The following ASIC2 variants were observed in gnomAD, a reference collection of about 807,000 sequenced individuals.
ASIC2 encodes the protein acid-sensing ion channel 2.
ASIC2 carries 25 observed loss-of-function variants against 57.3 expected under a neutral mutation model. The observed-to-expected ratio is 0.44, with a 90% CI of 0.32 to 0.61. The LOEUF is 0.61. Ranked by LOEUF, ASIC2 falls within the 20% of genes least tolerant of loss-of-function variation. ASIC2 has a pLI of 0.06. For missense variants in ASIC2, 641 were observed against 738.1 expected (o/e 0.87, Z 1.52); for synonymous variants, 319 against 307.5 (o/e 1.04, Z -0.39).
intron 1 of ASIC2, among the ~76,000 whole-genome samples, chr17:33,875,360 A>C (rs1914521841): frequency 6.6e-6 from 1 of 152,234 alleles, no homozygotes; most frequent in Non-Finnish European, 1.5e-5. Context: ...CCATCCCAGC[A>C]TCCTCTTGCT....
At chr17:34,151,032 G>C (rs143056551) in intron 1 of ASIC2, among the ~76,000 whole-genome samples, 1 of 151,526 alleles carries the variant, frequency 6.6e-6, no homozygotes, top group Non-Finnish European at 1.5e-5. Context: ...GAACCTGAGA[G>C]GTGGAGGTTG....
intron 1 of ASIC2, among the ~76,000 whole-genome samples, chr17:34,010,078 C>G (rs1461599120): frequency 1.3e-5 from 2 of 152,200 alleles, no homozygotes; most frequent in Non-Finnish European, 2.9e-5. Flanking sequence ...TGAGTTTGAG[C>G]ACCAGAGTAT....
intron 1 of ASIC2, among the ~76,000 whole-genome samples, chr17:34,068,468 G>A (rs1405750856): frequency 6.6e-6 from 1 of 152,168 alleles, no homozygotes; most frequent in Non-Finnish European, 1.5e-5. Flanking sequence ...TGCAGCAAAA[G>A]AATTGGCTTC....
At chr17:33,113,643 C>A (rs897436148) in intron 1 of ASIC2, among the ~76,000 whole-genome samples, 1 of 152,194 alleles carries the variant, frequency 6.6e-6, no homozygotes, top group African/African-American at 2.4e-5. Context: ...TAAATCTTTA[C>A]GGCTAGTTAG....
chr17:33,439,391 G>A (rs965164144), intron 1 of ASIC2, among the ~76,000 whole-genome samples: 4 of 152,184 alleles, frequency 2.6e-5, no homozygotes, highest in Non-Finnish European at 5.9e-5. Flanking sequence ...AGAAAGAAAA[G>A]ACTGTATGGA....
intron 1 of ASIC2, among the ~76,000 whole-genome samples, chr17:33,190,746 A>T (rs1906381351): frequency 6.6e-6 from 1 of 152,184 alleles, no homozygotes; most frequent in Non-Finnish European, 1.5e-5. Flanking sequence ...TCATTAAGGA[A>T]ATGCAAATTA....
chr17:33,695,636 G>C (rs963193233), intron 1 of ASIC2, among the ~76,000 whole-genome samples: 2 of 152,196 alleles, frequency 1.3e-5, no homozygotes. Context: ...CAATTAAGCA[G>C]ATGAAAAGTT....
intron 1 of ASIC2, among the ~76,000 whole-genome samples, chr17:34,099,533 A>G (rs1598025101): frequency 6.9e-6 from 1 of 143,940 alleles, no homozygotes; most frequent in Non-Finnish European, 1.5e-5. Context: ...AGAAAGAAAG[A>G]AAGGAAAGAA....
At chr17:34,007,778 C>G (rs1054395210) in intron 1 of ASIC2, among the ~76,000 whole-genome samples, 2 of 152,236 alleles carry the variant, frequency 1.3e-5, no homozygotes, top group African/African-American at 4.8e-5. Flanking sequence ...CTCCCAATCC[C>G]TTTGCAGGGT....
At chr17:33,945,689 A>C (rs1291330632) in intron 1 of ASIC2, among the ~76,000 whole-genome samples, 1 of 152,076 alleles carries the variant, frequency 6.6e-6, no homozygotes, top group Non-Finnish European at 1.5e-5. Flanking sequence ...ACAAATCTTC[A>C]CCAGGTCTGT....
intron 1 of ASIC2, among the ~76,000 whole-genome samples, chr17:33,183,480 A>G (rs1173394695): frequency 1.3e-5 from 2 of 152,246 alleles, no homozygotes; most frequent in African/African-American, 4.8e-5. Context: ...ATGCATGAAA[A>G]GAATGCTTAA....
At chr17:33,322,212 G>A (rs1184238289) in intron 1 of ASIC2, among the ~76,000 whole-genome samples, 1 of 152,202 alleles carries the variant, frequency 6.6e-6, no homozygotes. Flanking sequence ...AGAGACTGAG[G>A]CAGGCTGAAA....
chr17:33,143,016 G>A (rs1419939730), intron 1 of ASIC2, among the ~76,000 whole-genome samples: 1 of 152,206 alleles, frequency 6.6e-6, no homozygotes, highest in East Asian at 1.9e-4. Flanking sequence ...TAAGGGCTTA[G>A]TGATGAGCTG....
At chr17:33,479,251 A>T (rs1191124991) in intron 1 of ASIC2, among the ~76,000 whole-genome samples, 1 of 152,122 alleles carries the variant, frequency 6.6e-6, no homozygotes, top group Admixed American at 6.5e-5. Context: ...CGCCCACCTC[A>T]GCCTCCCAAA....
intron 1 of ASIC2, among the ~76,000 whole-genome samples, chr17:34,131,126 G>A (rs1042677782): frequency 6.6e-6 from 1 of 152,176 alleles, no homozygotes; most frequent in Non-Finnish European, 1.5e-5. Flanking sequence ...CTTCGGGAAA[G>A]AGTGAATTGT....
chr17:33,563,466 A>G (rs1297565121), intron 1 of ASIC2, among the ~76,000 whole-genome samples: 2 of 152,194 alleles, frequency 1.3e-5, no homozygotes, highest in Non-Finnish European at 2.9e-5. Context: ...AAAAATGTAT[A>G]GCTCTACCTC....
chr17:33,477,880 A>C (rs1913281138), intron 1 of ASIC2, among the ~76,000 whole-genome samples: 1 of 152,262 alleles, frequency 6.6e-6, no homozygotes, highest in Non-Finnish European at 1.5e-5. Context: ...GGCTGGAGGC[A>C]GCTCAGGGCA....
Position 33,023,808 on chromosome 17 carries a change from T to C in ASIC2, c.1349+53A>G. 3 of 1,604,050 alleles carry C rather than the reference T, an allele frequency of 1.9e-6. No individual in the cohort carries two copies. The South Asian group carries it at 3.3e-5, about 18-fold the overall frequency. On this transcript the variant is annotated intron_variant, in intron 6 of 9. Coordinates refer to ENST00000225823, the MANE Select transcript of ASIC2 (RefSeq NM_183377.2). Reference sequence around the variant, plus strand: ...CTTTCCTCCTTGATTGCCTCCAATTTCCTCCTTATCCAGTTCCCCCTTCCC... The same window carrying C: ...CTTTCCTCCTTGATTGCCTCCAATTCCCTCCTTATCCAGTTCCCCCTTCCC...
intron 1 of ASIC2, among the ~76,000 whole-genome samples, chr17:33,789,499 C>A (rs1351834546): frequency 6.6e-6 from 1 of 151,748 alleles, no homozygotes; most frequent in East Asian, 1.9e-4. Flanking sequence ...CACACACACA[C>A]ACACGTGCAG....
Sources: gnomAD v4.1 joint callset for allele counts (sites outside exome capture counted in the v4.1 genomes callset) on GRCh38, gnomAD v4.1.1 for gene constraint, MANE v1.5 for transcripts, NCBI Gene and HGNC (gene_info 2026-07-23, HGNC 2026-07-21) for gene names.